SEMA5A: variants seen among roughly 807,000 people sequenced by gnomAD.
SEMA5A encodes the protein semaphorin-5A.
A neutral mutation model predicts 135.5 loss-of-function variants in SEMA5A; 55 were observed. The observed-to-expected ratio is 0.41, with a 90% CI of 0.33 to 0.51. SEMA5A has a LOEUF of 0.51. Ranked by LOEUF, SEMA5A falls within the 20% of genes least tolerant of loss-of-function variation. The probability of loss-of-function intolerance (pLI) is 0.37; values close to 1 mark genes in which losing one functional copy is unlikely to be tolerated. For missense variants in SEMA5A, 1,290 were observed against 1,419.9 expected (o/e 0.91, Z 1.47); for synonymous variants, 580 against 546.5 (o/e 1.06, Z -0.85).
chr5:9,384,673 G>GAC (rs1755801626), intron 2 of SEMA5A, among the ~76,000 whole-genome samples: 1 of 90,672 alleles, frequency 1.1e-5, no homozygotes, highest in East Asian at 3.3e-4. Flanking sequence ...TAGATAGATA[G>GAC]ATATAGATAG....
At chr5:9,164,522 C>T (rs531659580) in intron 11 of SEMA5A, among the ~76,000 whole-genome samples, 2 of 151,728 alleles carry the variant, frequency 1.3e-5, no homozygotes, top group Non-Finnish European at 1.5e-5. Flanking sequence ...TATGAATAGC[C>T]TATTATTTGT....
chr5:9,162,554 G>A (rs1743336408), intron 11 of SEMA5A, among the ~76,000 whole-genome samples: 1 of 22,010 alleles, frequency 4.5e-5, no homozygotes, highest in African/African-American at 1.8e-4. Flanking sequence ...GTATATATGT[G>A]TGTGTGTGTG....
chr5:9,471,318 A>G (rs928901966), intron 1 of SEMA5A, among the ~76,000 whole-genome samples: 1 of 152,126 alleles, frequency 6.6e-6, no homozygotes, highest in Non-Finnish European at 1.5e-5. Flanking sequence ...ATACTGCCTA[A>G]CTGGGTATCT....
intron 3 of SEMA5A, among the ~76,000 whole-genome samples, chr5:9,343,486 C>T (rs1753738189): frequency 6.6e-6 from 1 of 152,118 alleles, no homozygotes; most frequent in Non-Finnish European, 1.5e-5. Flanking sequence ...AGGGCATATT[C>T]TCTGTGGAGA....
chr5:9,079,573 C>T lies in SEMA5A; in HGVS notation c.2074-12927G>A, dbSNP rs151091388. 2.0e-4 allele frequency among the ~76,000 whole-genome samples: 30 copies of T among 151,990 alleles called. No individual in the cohort carries two copies. The East Asian group carries it at 5.0e-3, about 26-fold the overall frequency. ...AAATAACAAAGAAAGAGCTTCTGCA[C>T]AGCAAAAGAAACTATCATCAGAGTG... On this transcript the variant is annotated intron_variant, in intron 16 of 22. Transcript: ENST00000382496.
At position 9,225,389 on chromosome 5, in the gene SEMA5A, T is replaced by TG. The variant is rs778335723; in HGVS notation, c.433-503_433-502insC. ...TAACACGGTGAAACCCCATCTCTACTAAAAAAAAAAAAAAAAAAAAAAAAA... is the reference window on the plus strand; with the variant it reads ...TAACACGGTGAAACCCCATCTCTACTGAAAAAAAAAAAAAAAAAAAAAAAAA... On this transcript the variant is annotated intron_variant, in intron 7 of 22. Coordinates refer to ENST00000382496, the MANE Select transcript of SEMA5A (RefSeq NM_003966.3). Among the ~76,000 whole-genome samples the TG allele has an allele frequency of 9.3e-5, 4 of 43,084 alleles. No individual in the cohort carries two copies. The East Asian group carries it at 2.5e-3, about 27-fold the overall frequency. 28.3% of individuals were successfully genotyped at this position (43,084 alleles called of 152,430 possible).
chr5:9,156,442 C>T (rs147069895), intron 11 of SEMA5A, among the ~76,000 whole-genome samples: 1 of 152,278 alleles, frequency 6.6e-6, no homozygotes, highest in Non-Finnish European at 1.5e-5. Flanking sequence ...GAGGCACCAG[C>T]AGAGGGAGGT....
chr5:9,303,498 ATTTTT>A (rs934698449), intron 5 of SEMA5A, among the ~76,000 whole-genome samples: 1 of 151,948 alleles, frequency 6.6e-6, no homozygotes, highest in Non-Finnish European at 1.5e-5. Flanking sequence ...GATACCATTA[ATTTTT>A]TTTAAGTTTA....
At chr5:9,197,330 C>T (rs1340914099) in intron 9 of SEMA5A, 27 bp from the exon 10 acceptor site, 5 of 1,540,506 alleles carry the variant, frequency 3.2e-6, no homozygotes, top group Non-Finnish European at 4.4e-6. Context: ...AGAGAGAAGG[C>T]AGTCAGAGAG....
At chr5:9,375,149 G>A (rs975407493) in intron 3 of SEMA5A, among the ~76,000 whole-genome samples, 2 of 152,016 alleles carry the variant, frequency 1.3e-5, no homozygotes, top group African/African-American at 4.8e-5. Context: ...ATCACCATCT[G>A]GTTTCTTCCC....
intron 16 of SEMA5A, among the ~76,000 whole-genome samples, chr5:9,077,364 G>A (rs1156696129): frequency 6.6e-6 from 1 of 152,180 alleles, no homozygotes; most frequent in South Asian, 2.1e-4. Flanking sequence ...ACTCTGGGGA[G>A]AGGTTAATGA....
rs1216517156 is a variant in SEMA5A, at chr5:9,268,108, G to A, written c.271-30218C>T. 1.3e-5 allele frequency among the ~76,000 whole-genome samples: 2 copies of A among 152,070 alleles called. 1 individual carries two copies. The highest frequency in any genetic ancestry group is 2.9e-5 in the Non-Finnish European group (2 of 68,002). Reference sequence around the variant, plus strand: ...AGTATTGGTTATACCTATAGTAGTTGGTTCTTGTTGTTCTTGTAGGTAGTG... The same window carrying A: ...AGTATTGGTTATACCTATAGTAGTTAGTTCTTGTTGTTCTTGTAGGTAGTG... On this transcript the variant is annotated intron_variant, in intron 5 of 22. Coordinates refer to ENST00000382496, the MANE Select transcript of SEMA5A (RefSeq NM_003966.3).
chr5:9,396,938 A>T (rs912241615), intron 2 of SEMA5A, among the ~76,000 whole-genome samples: 2 of 152,126 alleles, frequency 1.3e-5, no homozygotes, highest in African/African-American at 4.8e-5. Context: ...GTCAGCAAAG[A>T]TTTACACTGA....
chr5:9,273,231 G>A (rs1325091612), intron 5 of SEMA5A, among the ~76,000 whole-genome samples: 1 of 151,980 alleles, frequency 6.6e-6, no homozygotes, highest in Non-Finnish European at 1.5e-5. Context: ...GCAGAAGAAA[G>A]GATATCAGAG....
At chr5:9,407,418 T>C (rs549400066) in intron 2 of SEMA5A, among the ~76,000 whole-genome samples, 1 of 152,346 alleles carries the variant, frequency 6.6e-6, no homozygotes. Flanking sequence ...AAATCAGTTA[T>C]ATAATGGATA....
intron 11 of SEMA5A, among the ~76,000 whole-genome samples, chr5:9,167,810 C>T (rs1267654901): frequency 5.9e-5 from 9 of 152,118 alleles, no homozygotes; most frequent in Non-Finnish European, 7.3e-5. Flanking sequence ...GTGTGATATG[C>T]TGAGCCTTAT....
chr5:9,489,334 T>C (rs1158943593), intron 1 of SEMA5A, among the ~76,000 whole-genome samples: 1 of 152,190 alleles, frequency 6.6e-6, no homozygotes, highest in Admixed American at 6.5e-5. Context: ...AAGGGTTTCC[T>C]TCCATCTAAT....
rs77339998 is a variant in SEMA5A at position 9,096,728 on chromosome 5, A to C, written c.2073+11412T>G. On this transcript the variant is annotated intron_variant, in intron 16 of 22. Transcript: ENST00000382496. ...AGGGATTAATATCCAAGGTATATAA[A>C]GAACTCATACAACATGATAAAAAAA... Among the ~76,000 whole-genome samples, 54 of 152,314 alleles carry C rather than the reference A, an allele frequency of 3.5e-4. 1 individual carries two copies. The East Asian group carries it at 0.01, about 29-fold the overall frequency.
At chr5:9,092,202 A>T (rs913390701) in intron 16 of SEMA5A, among the ~76,000 whole-genome samples, 1 of 152,166 alleles carries the variant, frequency 6.6e-6, no homozygotes, top group Non-Finnish European at 1.5e-5. Flanking sequence ...GCTGCACTAG[A>T]TGACTAGACT....
Sources: allele counts gnomAD v4.1 joint callset (sites outside exome capture counted in the v4.1 genomes callset), GRCh38; gene constraint gnomAD v4.1.1; transcripts MANE v1.5; gene names NCBI Gene and HGNC (gene_info 2026-07-23, HGNC 2026-07-21).